Variants in BCL2L14 observed in about 807,000 individuals in gnomAD.
BCL2L14 encodes the protein BCL2 like 14.
Under a neutral mutation model 35.3 loss-of-function variants are expected in BCL2L14, and 27 were observed. The observed-to-expected ratio is 0.76, with a 90% CI of 0.56 to 1.05. The LOEUF is 1.05. Among genes scored for constraint, BCL2L14 ranks in the 50% least tolerant of loss-of-function variants. BCL2L14 has a pLI of 0.00. For missense variants in BCL2L14, 377 were observed against 382.6 expected (o/e 0.99, Z 0.12); for synonymous variants, 139 against 145.9 (o/e 0.95, Z 0.34).
At chr12:12,086,684 C>T (rs541511588) in intron 2 of BCL2L14, among the ~76,000 whole-genome samples, 6 of 152,314 alleles carry the variant, frequency 3.9e-5, no homozygotes, top group African/African-American at 7.2e-5. Context: ...GTACCAGCAA[C>T]GGGAGTTAGG....
intron 4 of BCL2L14, among the ~76,000 whole-genome samples, chr12:12,093,911 G>T (rs1272322878): frequency 1.3e-5 from 2 of 151,592 alleles, no homozygotes; most frequent in African/African-American, 4.8e-5. Context: ...AAGCCCAGGA[G>T]TGGGCAACAT....
chr12:12,092,048 A>C (rs765191450), intron 4 of BCL2L14, among the ~76,000 whole-genome samples: 1 of 152,174 alleles, frequency 6.6e-6, no homozygotes, highest in Non-Finnish European at 1.5e-5. Flanking sequence ...ACCAGTTAGC[A>C]TTTCAGCACA....
chr12:12,079,989 G>T (rs1218876755), intron 2 of BCL2L14, among the ~76,000 whole-genome samples: 1 of 152,166 alleles, frequency 6.6e-6, no homozygotes, highest in Admixed American at 6.5e-5. Flanking sequence ...TGGATCATGA[G>T]GTCAGGAGAT....
chr12:12,070,022 T>A (rs902003639), upstream of BCL2L14, among the ~76,000 whole-genome samples: 1 of 152,222 alleles, frequency 6.6e-6, no homozygotes, highest in South Asian at 2.1e-4. Flanking sequence ...ATCTCAAGCA[T>A]GGCCATATAT....
intron 2 of BCL2L14, among the ~76,000 whole-genome samples, chr12:12,061,234 A>T (rs1285199009): frequency 6.6e-6 from 1 of 151,334 alleles, no homozygotes; most frequent in Non-Finnish European, 1.5e-5. Context: ...CTCAGTTCAA[A>T]GCCTCCTTCA....
At chr12:12,086,916 T>C (rs1442803076) in intron 2 of BCL2L14, among the ~76,000 whole-genome samples, 1 of 152,238 alleles carries the variant, frequency 6.6e-6, no homozygotes, top group Non-Finnish European at 1.5e-5. Context: ...CTCCTTTTTG[T>C]GTCTCTTCCC....
rs1949379349 is a variant in BCL2L14, at chr12:12,099,239, A to G, written c.*251A>G. 2 of 498,848 alleles carry G rather than the reference A, an allele frequency of 4.0e-6. No homozygotes were observed. The highest frequency in any genetic ancestry group is 3.5e-5 in the Admixed American group (1 of 28,242). The allele number at this position is 498,848 out of a possible 1,614,324, so 30.9% of individuals were successfully genotyped here. A position where few individuals can be genotyped will look rare whatever the true frequency, so the allele number is the denominator to read the frequency against. ...TGAGAACCTGAGGAAATCTGTAAAG[A>G]TAAGTGGTGATGTTGTTTCAAACGT... On this transcript the variant is annotated 3_prime_UTR_variant, in exon 6 of 6. Coordinates refer to ENST00000308721, the MANE Select transcript of BCL2L14 (RefSeq NM_138723.2).
chr12:12,071,677 C>T (rs1230922819), intron 1 of BCL2L14: 1 of 152,228 alleles, frequency 6.6e-6, no homozygotes, highest in Admixed American at 6.5e-5. Context: ...ACCCTTCTCT[C>T]TCCTCTCTCC....
At chr12:12,086,795 G>T (rs1322814046) in intron 2 of BCL2L14, among the ~76,000 whole-genome samples, 1 of 152,154 alleles carries the variant, frequency 6.6e-6, no homozygotes, top group African/African-American at 2.4e-5. Context: ...TCAAATTATC[G>T]AATGTCCTCC....
rs553625891 is a variant in BCL2L14, at chr12:12,050,571, A to G, written c.-324+617A>G. ...CTGCAAAAACAGAAAGGTTTTAGCC[A>G]GAAGCTTATAGGAGTAGACCTGGAA... On this transcript the variant is annotated intron_variant, in intron 1 of 3. Coordinates refer to the BCL2L14 transcript ENST00000461264. Among the ~76,000 whole-genome samples the G allele has an allele frequency of 2.6e-5, 4 of 152,072 alleles. No individual in the cohort carries two copies. In the South Asian group the frequency reaches 8.3e-4, roughly 32 times the overall value.
intron 3 of BCL2L14, 119 bp from the exon 4 acceptor site, chr12:12,090,660 A>AT: frequency 4.9e-6 from 3 of 616,116 alleles, no homozygotes; most frequent in Non-Finnish European, 5.4e-6. Context: ...AAAAAAAAAA[A>AT]GAATTAGCAT....
intron 5 of BCL2L14, among the ~76,000 whole-genome samples, chr12:12,098,198 C>G (rs906788220): frequency 1.3e-5 from 2 of 152,096 alleles, no homozygotes; most frequent in African/African-American, 4.8e-5. Context: ...CCTGGGACTT[C>G]CATTGGCACC....
At chr12:12,068,616 C>A (rs930302225), upstream of BCL2L14, among the ~76,000 whole-genome samples, 20 of 151,986 alleles carry the variant, frequency 1.3e-4, no homozygotes, top group Non-Finnish European at 2.6e-4. Flanking sequence ...CCCACCTCAG[C>A]CCCCTGAGTA....
rs374401534 is a variant in BCL2L14, at chr12:12,076,381, G to A, written c.-7-2918G>A. Among the ~76,000 whole-genome samples, 34 of 152,246 alleles carry A rather than the reference G, an allele frequency of 2.2e-4. No homozygotes were observed. In the East Asian group the frequency reaches 4.4e-3, roughly 20 times the overall value. On this transcript the variant is annotated intron_variant, in intron 1 of 5. Coordinates refer to ENST00000308721, the MANE Select transcript of BCL2L14 (RefSeq NM_138723.2). ...GTGAATGTGAAATTGGAGCAGTGGCGGGAAGAAAGATTGTCCAAGCCCTGG... is the reference window on the plus strand; with the variant it reads ...GTGAATGTGAAATTGGAGCAGTGGCAGGAAGAAAGATTGTCCAAGCCCTGG...
intron 2 of BCL2L14, among the ~76,000 whole-genome samples, chr12:12,058,710 A>C (rs368170613): frequency 2.6e-5 from 4 of 151,878 alleles, no homozygotes; most frequent in African/African-American, 9.7e-5. Flanking sequence ...GCCCGCCTGC[A>C]CCCAGGTGAA....
intron 2 of BCL2L14, among the ~76,000 whole-genome samples, chr12:12,084,536 G>C (rs957444211): frequency 2.0e-5 from 3 of 151,986 alleles, no homozygotes; most frequent in African/African-American, 7.3e-5. Flanking sequence ...GACCCTGTTG[G>C]CCTGCTCTTC....
chr12:12,070,436 G>C (rs762628031), upstream of BCL2L14, among the ~76,000 whole-genome samples: 1 of 152,226 alleles, frequency 6.6e-6, no homozygotes, highest in Non-Finnish European at 1.5e-5. Flanking sequence ...TGTAATCCCA[G>C]CACTTTGGGA....
intron 1 of BCL2L14, chr12:12,078,029 T>TC: frequency 1.2e-5 from 5 of 419,944 alleles, no homozygotes; most frequent in Non-Finnish European, 2.4e-5. Context: ...ATCTATCCTG[T>TC]TATTCGTATG....
chr12:12,063,994 C>T (rs576229393), intron 2 of BCL2L14, among the ~76,000 whole-genome samples: 29 of 152,198 alleles, frequency 1.9e-4, no homozygotes, highest in African/African-American at 5.3e-4. Context: ...AGACTCAGCC[C>T]GCCTGCACCC....
Sources: gnomAD v4.1 joint callset for allele counts (sites outside exome capture counted in the v4.1 genomes callset) on GRCh38, gnomAD v4.1.1 for gene constraint, MANE v1.5 for transcripts, NCBI Gene and HGNC (gene_info 2026-07-23, HGNC 2026-07-21) for gene names.